The following BEST4 variants were observed in gnomAD, a reference collection of about 807,000 sequenced individuals.
BEST4 encodes bestrophin-4.
In BEST4, 36 loss-of-function variants were observed where a neutral mutation model predicts 47.1. The observed-to-expected ratio is 0.76, with a 90% CI of 0.59 to 1.01. The LOEUF (loss-of-function observed/expected upper bound fraction) is 1.01, where lower values mean the gene tolerates loss of function less well. Ranked by LOEUF, BEST4 falls within the 50% of genes least tolerant of loss-of-function variation. The pLI, the probability that BEST4 is intolerant of heterozygous loss-of-function variation, is 0.00. For synonymous variants in BEST4, 250 were observed against 277.8 expected, an observed-to-expected ratio of 0.90 and a Z score of 1.00; for missense variants, 550 against 648.6, an observed-to-expected ratio of 0.85 and a Z score of 1.65.
chr1:44,789,395 C>CAA (rs35605473), upstream of BEST4, among the ~76,000 whole-genome samples: 23 of 77,064 alleles, frequency 3.0e-4, no homozygotes, highest in East Asian at 7.2e-4. Flanking sequence ...GACTCTGTCT[C>CAA]AAAAAAAAAA....
chr1:44,786,402 C>T lies in BEST4; in HGVS notation c.481+61G>A, dbSNP rs1651234853. The T allele has an allele frequency of 1.4e-6, 2 of 1,449,902 alleles. No individual in the cohort carries two copies. The highest frequency in any genetic ancestry group is 2.5e-5 in the Admixed American group (1 of 40,582). 89.8% of individuals were successfully genotyped at this position (1,449,902 alleles called of 1,614,324 possible). A position where few individuals can be genotyped will look rare whatever the true frequency, so the allele number is the denominator to read the frequency against. On this transcript the variant is annotated intron_variant, in intron 3 of 8. Transcript: ENST00000372207. The surrounding 1 kb of genome is among the most constrained non-coding windows in gnomAD (Gnocchi z 4.9). The stretch of plus-strand genomic sequence containing the variant: ...GAGGCCCCTGCTCCCAGGACTCTCC[C>T]AGGCGCCACCTGCATCCGGCTGTGG...
In BEST4 at chr1:44,787,743, C is replaced by A. The variant is rs773363597; in HGVS notation, c.-38G>T. On this transcript the variant is annotated 5_prime_UTR_variant, in exon 1 of 9. Coordinates refer to ENST00000372207, the MANE Select transcript of BEST4 (RefSeq NM_153274.3). Reference sequence around the variant, plus strand: ...CTGGGGCAGGAGGTCACAAGAGTTGCCCCCAGGGCTGTCGTTTAGTTCTCC... The same window carrying A: ...CTGGGGCAGGAGGTCACAAGAGTTGACCCCAGGGCTGTCGTTTAGTTCTCC... The A allele has an allele frequency of 1.4e-5, 23 of 1,611,274 alleles. No homozygotes were observed. In the South Asian group the frequency reaches 2.3e-4, roughly 16 times the overall value.
chr1:44,786,285 C>T lies in BEST4; in HGVS notation c.482-57G>A. The T allele has an allele frequency of 6.5e-7, 1 of 1,540,526 alleles. No individual in the cohort carries two copies. The highest frequency in any genetic ancestry group is 8.7e-7 in the Non-Finnish European group (1 of 1,142,908). ...CACCCTCTGCCGCCAGGGGAGGCTGCTGTTCCGCCGTCTGGCTCCCCTCCC... is the reference window on the plus strand; with the variant it reads ...CACCCTCTGCCGCCAGGGGAGGCTGTTGTTCCGCCGTCTGGCTCCCCTCCC... On this transcript the variant is annotated intron_variant, in intron 3 of 8. Coordinates refer to ENST00000372207, the MANE Select transcript of BEST4 (RefSeq NM_153274.3). The surrounding 1 kb of genome is among the most constrained non-coding windows in gnomAD (Gnocchi z 4.9).
chr1:44,783,387 G>A (rs1287226628), downstream of BEST4, among the ~76,000 whole-genome samples: 1 of 118,082 alleles, frequency 8.5e-6, no homozygotes, highest in Non-Finnish European at 1.7e-5. Context: ...GAAGAGCTTG[G>A]CACACAAGTC....
In BEST4 at chr1:44,787,363, G is replaced by A; in HGVS notation, c.247+9C>T. 1 of 1,613,848 alleles carries A rather than the reference G, an allele frequency of 6.2e-7. No homozygotes were observed. Among genetic ancestry groups the A allele is most frequent in the Non-Finnish European group, 8.5e-7 (1 of 1,179,820 alleles). ...GGGGGACACAGGGAAAACTAGAAGGGAGCCTTACCCAATACAAAGGACAAG... is the reference window on the plus strand; with the variant it reads ...GGGGGACACAGGGAAAACTAGAAGGAAGCCTTACCCAATACAAAGGACAAG... On this transcript the variant is annotated intron_variant, in intron 2 of 8. Transcript: ENST00000372207.
rs368542422 is a variant in BEST4, at chr1:44,787,519, C to T, written c.152+35G>A. 6.8e-6 allele frequency: 11 copies of T among 1,613,970 alleles called. No homozygotes were observed. The Admixed American group carries it at 1.7e-4, about 24-fold the overall frequency. ...TAGAGGGAGGTGGGTGGCCCAGTCTCCCCACTTGCGCCAGCTCTAAGACCC... is the reference window on the plus strand; with the variant it reads ...TAGAGGGAGGTGGGTGGCCCAGTCTTCCCACTTGCGCCAGCTCTAAGACCC... On this transcript the variant is annotated intron_variant, in intron 1 of 8. Transcript: ENST00000372207.
intron 5 of BEST4, 103 bp from the exon 6 acceptor site, chr1:44,785,408 A>G: frequency 2.3e-6 from 3 of 1,316,342 alleles, no homozygotes; most frequent in Non-Finnish European, 3.1e-6. Context: ...GTAATCAAAC[A>G]TGTATCCTGG....
At chr1:44,783,235 G>A (rs528502675), downstream of BEST4, among the ~76,000 whole-genome samples, 1 of 152,310 alleles carries the variant, frequency 6.6e-6, no homozygotes, top group East Asian at 1.9e-4. Context: ...GATTACAGGC[G>A]TGAGCCACTG....
At chr1:44,792,047 A>G (rs1651425011), upstream of BEST4, among the ~76,000 whole-genome samples, 1 of 152,202 alleles carries the variant, frequency 6.6e-6, no homozygotes, top group African/African-American at 2.4e-5. Flanking sequence ...GTTCGAGATC[A>G]GCCTGACAAA....
upstream of BEST4, among the ~76,000 whole-genome samples, chr1:44,792,419 T>TC (rs1381438297): frequency 2.8e-5 from 3 of 106,550 alleles, no homozygotes; most frequent in African/African-American, 1.3e-4. Flanking sequence ...AGAGCAAGAC[T>TC]CCATCTCAAA....
chr1:44,785,458 G>C, intron 5 of BEST4, 141 bp downstream of exon 5: 1 of 1,186,700 alleles, frequency 8.4e-7, no homozygotes, highest in Admixed American at 2.4e-5. Flanking sequence ...CTTGTTGGGG[G>C]TGGTGGGGGG....
chr1:44,786,414 G>C lies in BEST4; in HGVS notation c.481+49C>G. The C allele has an allele frequency of 6.9e-7, 1 of 1,457,154 alleles. No individual in the cohort carries two copies. The highest frequency in any genetic ancestry group is 9.1e-7 in the Non-Finnish European group (1 of 1,099,760). 90.3% of individuals were successfully genotyped at this position (1,457,154 alleles called of 1,614,324 possible). ...CCCAGGACTCTCCCAGGCGCCACCTGCATCCGGCTGTGGGCCGGACCCCCA... is the reference window on the plus strand; with the variant it reads ...CCCAGGACTCTCCCAGGCGCCACCTCCATCCGGCTGTGGGCCGGACCCCCA... On this transcript the variant is annotated intron_variant, in intron 3 of 8. Transcript: ENST00000372207. The surrounding 1 kb of genome is among the most constrained non-coding windows in gnomAD (Gnocchi z 4.9).
rs1334208199 is a variant in BEST4, at chr1:44,783,993, C to T, written c.*217G>A. The T allele has an allele frequency of 2.2e-6, 1 of 452,510 alleles. No individual in the cohort carries two copies. Among genetic ancestry groups the T allele is most frequent in the East Asian group, 3.6e-5 (1 of 28,000 alleles). The allele number at this position is 452,510 out of a possible 1,614,324, so 28.0% of individuals were successfully genotyped here. On this transcript the variant is annotated 3_prime_UTR_variant, in exon 9 of 9. Transcript: ENST00000372207. ...CTCATTTATTTTTCTAGCTTCACGT[C>T]CCCCAAGCAACCGACCTTCTCTCCC...
chr1:44,782,196 G>T (rs967141182), downstream of BEST4, among the ~76,000 whole-genome samples: 3 of 148,906 alleles, frequency 2.0e-5, no homozygotes, highest in Non-Finnish European at 4.4e-5. Flanking sequence ...CTTCACAGAT[G>T]ACCGTTCTCA....
downstream of BEST4, among the ~76,000 whole-genome samples, chr1:44,782,458 G>A (rs1239000278): frequency 6.6e-6 from 1 of 151,414 alleles, no homozygotes; most frequent in Admixed American, 6.6e-5. Flanking sequence ...TGACACCCCG[G>A]TCTCTACTAA....
rs1321901321 is a variant in BEST4 at position 44,786,434 on chromosome 1, C to T, written c.481+29G>A. 1 of 1,485,100 alleles carries T rather than the reference C, an allele frequency of 6.7e-7. No individual in the cohort carries two copies. The highest frequency in any genetic ancestry group is 9.0e-7 in the Non-Finnish European group (1 of 1,115,268). 92.0% of individuals were successfully genotyped at this position (1,485,100 alleles called of 1,614,324 possible). ...CACCTGCATCCGGCTGTGGGCCGGACCCCCAGAGGCTCCCGGCGGGCGGCG... is the reference window on the plus strand; with the variant it reads ...CACCTGCATCCGGCTGTGGGCCGGATCCCCAGAGGCTCCCGGCGGGCGGCG... On this transcript the variant is annotated intron_variant, in intron 3 of 8. Coordinates refer to ENST00000372207, the MANE Select transcript of BEST4 (RefSeq NM_153274.3). The surrounding 1 kb of genome is among the most constrained non-coding windows in gnomAD (Gnocchi z 4.9).
At chr1:44,792,542 G>C (rs1651439379), upstream of BEST4, among the ~76,000 whole-genome samples, 1 of 152,104 alleles carries the variant, frequency 6.6e-6, no homozygotes, top group Non-Finnish European at 1.5e-5. Context: ...ATAGCACCAG[G>C]TGAGTGGGAA....
chr1:44,785,928 G>A (rs1651201238), intron 4 of BEST4, 146 bp downstream of exon 4: 3 of 1,030,324 alleles, frequency 2.9e-6, no homozygotes, highest in East Asian at 2.5e-5. Flanking sequence ...GTTGCTGTAA[G>A]GGATGAATGA....
Position 44,784,040 on chromosome 1 carries a change from G to T in BEST4, c.*170C>A. On this transcript the variant is annotated 3_prime_UTR_variant, in exon 9 of 9. Transcript: ENST00000372207. The surrounding 1 kb of genome is among the most constrained non-coding windows in gnomAD (Gnocchi z 6.2). The stretch of plus-strand genomic sequence containing the variant: ...TCCCACCAAAGTGGACACATTCCCA[G>T]CCCTGGCTCAGGCCCTTTTCGCCAT... The T allele has an allele frequency of 1.6e-6, 1 of 639,258 alleles. No individual in the cohort carries two copies. Among genetic ancestry groups the T allele is most frequent in the Non-Finnish European group, 2.3e-6 (1 of 426,152 alleles). The allele number at this position is 639,258 out of a possible 1,614,324, so 39.6% of individuals were successfully genotyped here.
Sources: allele counts gnomAD v4.1 joint callset (sites outside exome capture counted in the v4.1 genomes callset), GRCh38; gene constraint gnomAD v4.1.1; non-coding constraint Gnocchi (gnomAD v3.1); transcripts MANE v1.5; gene names NCBI Gene and HGNC (gene_info 2026-07-23, HGNC 2026-07-21).